The following IL1RAPL1 variants were observed in gnomAD, a reference collection of about 807,000 sequenced individuals.
IL1RAPL1 encodes the protein interleukin-1 receptor accessory protein-like 1.
Under a neutral mutation model 48.4 loss-of-function variants are expected in IL1RAPL1, and 3 were observed. That is an observed-to-expected ratio of 0.06 (90% CI 0.03 to 0.16). The LOEUF (loss-of-function observed/expected upper bound fraction) is 0.16. Among genes scored for constraint, IL1RAPL1 ranks in the 10% least tolerant of loss-of-function variants. IL1RAPL1 has a pLI of 1.00. For missense variants in IL1RAPL1, 349 were observed against 530.6 expected (o/e 0.66, Z 3.36); for synonymous variants, 185 against 187.7 (o/e 0.99, Z 0.12).
At chrX:29,835,898 T>C (rs764243702) in intron 6 of IL1RAPL1, among the ~76,000 whole-genome samples, 39 of 101,632 alleles carry the variant, frequency 3.8e-4, no homozygotes, top group African/African-American at 1.4e-3. Flanking sequence ...TTTTTTTTTT[T>C]AGTTAGTTAG....
chrX:29,830,286 A>G (rs1930842147), intron 6 of IL1RAPL1, among the ~76,000 whole-genome samples: 1 of 111,902 alleles, frequency 8.9e-6, no homozygotes, highest in African/African-American at 3.2e-5. Context: ...GTCATCATGA[A>G]TCTCATTGGG....
rs903317537 is a variant in IL1RAPL1 at position 29,616,976 on chromosome X, C to T, written c.704-51454C>T. Among the ~76,000 whole-genome samples the T allele has an allele frequency of 9.0e-5, 10 of 111,481 alleles. 1 individual carries two copies. In the South Asian group the frequency reaches 1.5e-3, roughly 17 times the overall value. The stretch of plus-strand genomic sequence containing the variant: ...TTGATCATTTATACAGCAGGCACTA[C>T]GCTGTATTCTCCTAATACAACACTA... On this transcript the variant is annotated intron_variant, in intron 5 of 10. Transcript: ENST00000378993.
At chrX:29,310,124 AAAAAAG>A (rs1932696004) in intron 3 of IL1RAPL1, among the ~76,000 whole-genome samples, 6 of 89,405 alleles carry the variant, frequency 6.7e-5, no homozygotes, top group African/African-American at 9.6e-5. Flanking sequence ...AAAAAAAAAA[AAAAAAG>A]AAAGGAAAAA....
In IL1RAPL1 at chrX:28,762,813, CACACACACACAGAGAGAGAGAGAG is replaced by C. The variant is rs1384316615; in HGVS notation, c.-24-26505_-24-26482del. On this transcript the variant is annotated intron_variant, in intron 1 of 10. Coordinates refer to ENST00000378993, the MANE Select transcript of IL1RAPL1 (RefSeq NM_014271.4). ...ACACACACACACACACACACACACACACACACACACAGAGAGAGAGAGAGAGAGAGAGAGAGAGAAGCTTGTTTC... is the reference window on the plus strand; with the variant it reads ...ACACACACACACACACACACACACACAGAGAGAGAGAGAGAAGCTTGTTTC... Among the ~76,000 whole-genome samples, 8 of 98,617 alleles carry C rather than the reference CACACACACACAGAGAGAGAGAGAG, an allele frequency of 8.1e-5. 1 individual carries two copies. Among genetic ancestry groups the C allele is most frequent in the South Asian group, 4.6e-4 (1 of 2,165 alleles). The allele number at this position is 98,617 out of a possible 115,157, so 85.6% of individuals were successfully genotyped here. A position where few individuals can be genotyped will look rare whatever the true frequency, so the allele number is the denominator to read the frequency against.
At chrX:29,246,150 C>CCT (rs1555980808) in intron 2 of IL1RAPL1, among the ~76,000 whole-genome samples, 2 of 52,031 alleles carry the variant, frequency 3.8e-5, no homozygotes, top group Non-Finnish European at 6.9e-5. Flanking sequence ...TCTCATCGCT[C>CCT]TTTTTTTTTT....
chrX:28,849,263 T>C (rs1478124691), intron 2 of IL1RAPL1, among the ~76,000 whole-genome samples: 1 of 111,537 alleles, frequency 9.0e-6, no homozygotes, highest in Non-Finnish European at 1.9e-5. Flanking sequence ...AGAAGTACAA[T>C]TGAATTAATT....
chrX:28,751,101 C>T (rs898213479), intron 1 of IL1RAPL1, among the ~76,000 whole-genome samples: 4 of 111,542 alleles, frequency 3.6e-5, no homozygotes, highest in African/African-American at 1.3e-4. Flanking sequence ...TTGGAATCTT[C>T]ACTTTTTCAT....
At chrX:29,625,304 T>G (rs1258782734) in intron 5 of IL1RAPL1, among the ~76,000 whole-genome samples, 1 of 112,042 alleles carries the variant, frequency 8.9e-6, no homozygotes, top group African/African-American at 3.2e-5. Flanking sequence ...CTAAGTAAAT[T>G]TTATTTGATG....
At chrX:29,431,272 C>T (rs1290192230) in intron 5 of IL1RAPL1, among the ~76,000 whole-genome samples, 2 of 112,030 alleles carry the variant, frequency 1.8e-5, no homozygotes, top group Non-Finnish European at 3.8e-5. Context: ...AAAATATTCA[C>T]ATTAAAAACA....
At chrX:29,332,191 A>G (rs748612395) in intron 3 of IL1RAPL1, among the ~76,000 whole-genome samples, 148 of 67,836 alleles carry the variant, frequency 2.2e-3, no homozygotes, top group Non-Finnish European at 3.3e-3. Flanking sequence ...GATATACTTG[A>G]GAGAAGACTC....
chrX:28,725,694 T>C (rs1232434747), intron 1 of IL1RAPL1, among the ~76,000 whole-genome samples: 2 of 112,437 alleles, frequency 1.8e-5, no homozygotes, highest in African/African-American at 6.5e-5. Flanking sequence ...TTTGTGAAAA[T>C]GCTAACATGT....
chrX:29,422,119 G>A (rs966951677), intron 5 of IL1RAPL1, among the ~76,000 whole-genome samples: 2 of 111,371 alleles, frequency 1.8e-5, no homozygotes, highest in African/African-American at 6.5e-5. Context: ...GACAATAAAG[G>A]ATCCTTAGGG....
intron 2 of IL1RAPL1, among the ~76,000 whole-genome samples, chrX:28,952,002 C>T (rs1482275248): frequency 9.0e-6 from 1 of 110,589 alleles, no homozygotes; most frequent in Non-Finnish European, 1.9e-5. Context: ...TCCTCATATA[C>T]TCTCTGGCCG....
At chrX:29,195,751 G>A (rs918418718) in intron 2 of IL1RAPL1, among the ~76,000 whole-genome samples, 10 of 109,593 alleles carry the variant, frequency 9.1e-5, no homozygotes, top group Non-Finnish European at 1.9e-4. Context: ...TGTAGAGACG[G>A]GGTTTTGCCA....
rs773931931 is a variant in IL1RAPL1 at position 29,213,199 on chromosome X, T to C, written c.83-69739T>C. On this transcript the variant is annotated intron_variant, in intron 2 of 10. Coordinates refer to ENST00000378993, the MANE Select transcript of IL1RAPL1 (RefSeq NM_014271.4). ...TTTTAGTAGAGACGGAGTTTCTCCA[T>C]GTTGGTCAGGCTAGTCTCAAACTTC... Among the ~76,000 whole-genome samples, 10 of 111,387 alleles carry C rather than the reference T, an allele frequency of 9.0e-5. No individual in the cohort carries two copies. The Admixed American group carries it at 9.5e-4, about 11-fold the overall frequency.
intron 2 of IL1RAPL1, among the ~76,000 whole-genome samples, chrX:29,105,370 G>T (rs1441939292): frequency 8.9e-6 from 1 of 111,806 alleles, no homozygotes; most frequent in Non-Finnish European, 1.9e-5. Flanking sequence ...TAGAAGTAAG[G>T]AATGAAACTT....
intron 2 of IL1RAPL1, among the ~76,000 whole-genome samples, chrX:28,963,811 T>G (rs2147364252): frequency 9.0e-6 from 1 of 111,288 alleles, no homozygotes; most frequent in Non-Finnish European, 1.9e-5. Context: ...TTTCTTCTTT[T>G]CCTAAAATTT....
intron 2 of IL1RAPL1, among the ~76,000 whole-genome samples, chrX:28,909,492 C>A (rs1923304867): frequency 9.0e-6 from 1 of 111,273 alleles, no homozygotes; most frequent in Non-Finnish European, 1.9e-5. Flanking sequence ...ATTTCATTAA[C>A]CTCCTTATTT....
chrX:28,673,439 A>C (rs1263210968), intron 1 of IL1RAPL1, among the ~76,000 whole-genome samples: 1 of 112,348 alleles, frequency 8.9e-6, no homozygotes, highest in Non-Finnish European at 1.9e-5. Context: ...GGCACGGGCA[A>C]AGATTTCATA....
Sources: allele counts gnomAD v4.1 joint callset (sites outside exome capture counted in the v4.1 genomes callset), GRCh38; gene constraint gnomAD v4.1.1; transcripts MANE v1.5; gene names NCBI Gene and HGNC (gene_info 2026-07-23, HGNC 2026-07-21).